TENM3: variants seen among roughly 807,000 people sequenced by gnomAD.
TENM3 encodes teneurin-3.
Under a neutral mutation model 255.1 loss-of-function variants are expected in TENM3, and 63 were observed. The ratio of observed to expected loss-of-function variants is 0.25; its 90% CI spans 0.20 to 0.30. TENM3 has a LOEUF of 0.30. Ranked by LOEUF, TENM3 falls within the 10% of genes least tolerant of loss-of-function variation. TENM3 has a pLI of 1.00. For synonymous variants in TENM3, 1,306 were observed against 1,322.3 expected, an observed-to-expected ratio of 0.99 and a Z score of 0.27; for missense variants, 2,929 against 3,461.1, an observed-to-expected ratio of 0.85 and a Z score of 3.86.
At chr4:181,988,792 AT>A in the TENM3 span, among the ~76,000 whole-genome samples, 4 of 148,588 alleles carry the variant, frequency 2.7e-5, no homozygotes, top group Admixed American at 6.7e-5. Flanking sequence ...GCCTGCTCTT[AT>A]TTTTTTTTTC....
At chr4:182,528,448 T>G (rs1580840360) in intron 3 of TENM3, among the ~76,000 whole-genome samples, 2 of 152,196 alleles carry the variant, frequency 1.3e-5, no homozygotes, top group African/African-American at 4.8e-5. Flanking sequence ...TATAAAACAT[T>G]TAATGAAATT....
At chr4:182,075,492 T>C in the TENM3 span, among the ~76,000 whole-genome samples, 3,475 of 152,056 alleles carry the variant, frequency 0.023, 135 homozygotes, top group African/African-American at 0.078. Flanking sequence ...GCCACCACGC[T>C]CAGCCGACAG....
chr4:181,687,230 G>A, the TENM3 span, among the ~76,000 whole-genome samples: 3 of 152,036 alleles, frequency 2.0e-5, no homozygotes, highest in Non-Finnish European at 4.4e-5. Flanking sequence ...AAGACATTAG[G>A]CCAGCTGTTA....
intron 3 of TENM3, among the ~76,000 whole-genome samples, chr4:182,416,221 G>T (rs1438244457): frequency 6.6e-6 from 1 of 152,062 alleles, no homozygotes; most frequent in Admixed American, 6.6e-5. Context: ...TTCAACAGCT[G>T]CTTAATGTGT....
At chr4:181,555,438 A>G in the TENM3 span, among the ~76,000 whole-genome samples, 21 of 152,318 alleles carry the variant, frequency 1.4e-4, no homozygotes, top group African/African-American at 4.8e-4. Context: ...GATTTGCTTT[A>G]TTTAAGGTAT....
intron 25 of TENM3, among the ~76,000 whole-genome samples, chr4:182,791,962 T>C (rs769243713): frequency 7.9e-5 from 12 of 152,194 alleles, no homozygotes; most frequent in African/African-American, 1.4e-4. Flanking sequence ...GCTTTGATCA[T>C]GCCTGTATTA....
chr4:181,952,999 T>C, the TENM3 span, among the ~76,000 whole-genome samples: 12 of 152,204 alleles, frequency 7.9e-5, no homozygotes, highest in Non-Finnish European at 1.5e-4. Context: ...ATGCGACTGA[T>C]TGCACATATG....
rs79435019 is a variant in TENM3 at position 182,387,903 on chromosome 4, C to T, written c.511+40974C>T. Among the ~76,000 whole-genome samples, 762 of 139,806 alleles carry T rather than the reference C, an allele frequency of 5.5e-3. 6 individuals carry two copies. Among genetic ancestry groups the T allele is most frequent in the African/African-American group, 0.019 (693 of 36,450 alleles). The allele number at this position is 139,806 out of a possible 152,430, so 91.7% of individuals were successfully genotyped here. A position where few individuals can be genotyped will look rare whatever the true frequency, so the allele number is the denominator to read the frequency against. On this transcript the variant is annotated intron_variant, in intron 3 of 27. Coordinates refer to ENST00000511685, the MANE Select transcript of TENM3 (RefSeq NM_001080477.4). ...ACCAAGAACCCACCAATTCCGGACA[C>T]AATAGGACTCTGGTTTCTAAGGGGT...
the TENM3 span, among the ~76,000 whole-genome samples, chr4:181,540,143 T>G: frequency 6.6e-6 from 1 of 151,914 alleles, no homozygotes; most frequent in Admixed American, 6.6e-5. Flanking sequence ...ACAGACGCCA[T>G]GATGAGAAGA....
intron 19 of TENM3, among the ~76,000 whole-genome samples, chr4:182,748,545 T>A (rs1005056866): frequency 6.6e-6 from 1 of 152,214 alleles, no homozygotes; most frequent in African/African-American, 2.4e-5. Context: ...TCAAATTAGG[T>A]GACCTTGAAT....
chr4:182,056,614 T>G, the TENM3 span, among the ~76,000 whole-genome samples: 1 of 152,158 alleles, frequency 6.6e-6, no homozygotes, highest in African/African-American at 2.4e-5. Context: ...TTTGCCACTA[T>G]TCTTTTGAAG....
chr4:182,448,349 G>A (rs1054202403), intron 3 of TENM3, among the ~76,000 whole-genome samples: 3 of 152,168 alleles, frequency 2.0e-5, no homozygotes, highest in Non-Finnish European at 4.4e-5. Context: ...CGCCCCGCGG[G>A]CGCCAGGCTG....
the TENM3 span, among the ~76,000 whole-genome samples, chr4:181,595,430 C>CAAAAAAAAAAAA: frequency 2.4e-5 from 1 of 41,852 alleles, no homozygotes. Flanking sequence ...GACTCCATCC[C>CAAAAAAAAAAAA]AAAAAAAAAA....
chr4:182,220,962 C>A (rs1755820576), intron 1 of TENM3, among the ~76,000 whole-genome samples: 1 of 152,126 alleles, frequency 6.6e-6, no homozygotes, highest in African/African-American at 2.4e-5. Flanking sequence ...ATCTACATAT[C>A]TTTTAGCAGA....
At chr4:182,569,742 G>A (rs1029326369) in intron 3 of TENM3, among the ~76,000 whole-genome samples, 1 of 152,136 alleles carries the variant, frequency 6.6e-6, no homozygotes, top group South Asian at 2.1e-4. Context: ...AGGCAAGGCA[G>A]CCAGTGATGA....
At chr4:181,524,070 T>A in the TENM3 span, among the ~76,000 whole-genome samples, 1 of 152,216 alleles carries the variant, frequency 6.6e-6, no homozygotes, top group East Asian at 1.9e-4. Flanking sequence ...CTAGCTTCTT[T>A]ATAATCCACG....
the TENM3 span, among the ~76,000 whole-genome samples, chr4:181,913,656 G>A: frequency 7.3e-4 from 111 of 152,232 alleles, no homozygotes; most frequent in African/African-American, 2.5e-3. Flanking sequence ...CAGAACAGGC[G>A]ATAGAGGCTA....
At chr4:182,274,997 G>A (rs1435755035) in intron 1 of TENM3, among the ~76,000 whole-genome samples, 3 of 151,956 alleles carry the variant, frequency 2.0e-5, no homozygotes, top group East Asian at 3.9e-4. Flanking sequence ...GCTAATTTTT[G>A]TATTTTTAGT....
At chr4:181,834,585 T>C in the TENM3 span, among the ~76,000 whole-genome samples, 2 of 152,182 alleles carry the variant, frequency 1.3e-5, no homozygotes, top group South Asian at 2.1e-4. Context: ...CTCAAGTTCC[T>C]GCCCTCAGCC....
Sources: gnomAD v4.1 joint callset for allele counts (sites outside exome capture counted in the v4.1 genomes callset) on GRCh38, gnomAD v4.1.1 for gene constraint, MANE v1.5 for transcripts, NCBI Gene and HGNC (gene_info 2026-07-23, HGNC 2026-07-21) for gene names.